KCNU1: variants seen among roughly 807,000 people sequenced by gnomAD.
The protein encoded by KCNU1 is potassium channel subfamily U member 1.
A neutral mutation model predicts 126.8 loss-of-function variants in KCNU1; 93 were observed. The ratio of observed to expected loss-of-function variants is 0.73; its 90% confidence interval spans 0.62 to 0.87. KCNU1 has a LOEUF of 0.87. KCNU1 is among the 40% of genes least tolerant of loss of function. The probability of loss-of-function intolerance (pLI) is 0.00; values close to 1 mark genes in which losing one functional copy is unlikely to be tolerated. For missense variants in KCNU1, 1,330 were observed against 1,367.1 expected, an observed-to-expected ratio of 0.97 and a Z score of 0.43; for synonymous variants, 523 against 494.2, an observed-to-expected ratio of 1.06 and a Z score of -0.77.
intron 22 of KCNU1, among the ~76,000 whole-genome samples, chr8:36,916,353 AGAAGGAAG>A (rs143444267): frequency 3.4e-5 from 5 of 149,188 alleles, no homozygotes; most frequent in Non-Finnish European, 7.5e-5. Flanking sequence ...AAGGAAGAAA[AGAAGGAAG>A]GAAGGAAGGA....
At chr8:36,860,347 G>T (rs775589664) in intron 18 of KCNU1, among the ~76,000 whole-genome samples, 1 of 152,148 alleles carries the variant, frequency 6.6e-6, no homozygotes, top group African/African-American at 2.4e-5. Context: ...AAAATGCTGG[G>T]ATTACAGGTG....
At chr8:36,795,299 C>T (rs1052152517) in intron 2 of KCNU1, 5 of 152,410 alleles carry the variant, frequency 3.3e-5, no homozygotes, top group Admixed American at 2.6e-4. Flanking sequence ...ATGTCTCATG[C>T]ACTTGGCACT....
intron 9 of KCNU1, among the ~76,000 whole-genome samples, chr8:36,816,965 C>A (rs368359910): frequency 2.5e-4 from 37 of 147,252 alleles, no homozygotes; most frequent in Admixed American, 1.2e-3. Context: ...ACAACAACAA[C>A]AAAAAACCCT....
intron 10 of KCNU1, among the ~76,000 whole-genome samples, chr8:36,821,417 G>C (rs1410319340): frequency 6.6e-6 from 1 of 152,174 alleles, no homozygotes; most frequent in African/African-American, 2.4e-5. Flanking sequence ...TGTCATCATG[G>C]TAAGCTGGCT....
intron 6 of KCNU1, 86 bp from the exon 7 acceptor site, chr8:36,808,632 T>C: frequency 2.4e-6 from 2 of 818,808 alleles, no homozygotes; most frequent in Non-Finnish European, 4.1e-6. Flanking sequence ...GAGCCACACT[T>C]TGTGTAGCAA....
chr8:36,905,570 G>C (rs1414208964), intron 19 of KCNU1, 138 bp from the exon 20 acceptor site: 1 of 627,942 alleles, frequency 1.6e-6, no homozygotes, highest in African/African-American at 1.9e-5. Context: ...CTTTATTCTA[G>C]AGTCTTACAG....
rs370444867 is a variant in KCNU1 at position 36,864,402 on chromosome 8, A to G, written c.1892-2A>G. 6.0e-5 allele frequency: 92 copies of G among 1,537,650 alleles called. No individual in the cohort carries two copies. The highest frequency in any genetic ancestry group is 7.6e-5 in the Non-Finnish European group (84 of 1,110,752). ...CTCACTGAGATTTCTATCCTATTGC[A>G]GTGCCATCGGTAAAGAGAATGAAAA... On this transcript the variant is annotated splice_acceptor_variant, in intron 18 of 26. Transcript: ENST00000399881. LOFTEE classifies it high-confidence loss of function.
chr8:36,806,318 T>A lies in KCNU1; in HGVS notation c.518T>A (p.Ile173Asn). 6.2e-7 allele frequency: 1 copy of A among 1,612,048 alleles called. No individual in the cohort carries two copies. The stretch of plus-strand genomic sequence containing the variant: ...AAGTTCTGGCTGGAGATGAATTCAA[T>A]CGTAGACATCTTTACCATCCCACCA... ...KIKFWLEMNS[I>N]VDIFTIPPTF... Residue 173 changes from isoleucine (I) to asparagine (N), a missense_variant, in exon 5 of 27, where the codon ATC (isoleucine) becomes AAC (asparagine). Transcript: ENST00000399881.
chr8:36,918,959 C>A, intron 23 of KCNU1, 62 bp downstream of exon 23: 1 of 1,066,804 alleles, frequency 9.4e-7, no homozygotes, highest in Non-Finnish European at 1.5e-6. Flanking sequence ...AATTTATGTT[C>A]CAAGGATCTT....
At chr8:36,912,849 T>A (rs932440719) in intron 22 of KCNU1, among the ~76,000 whole-genome samples, 6 of 143,654 alleles carry the variant, frequency 4.2e-5, no homozygotes, top group African/African-American at 1.6e-4. Flanking sequence ...ACGCCTGTAA[T>A]CCCAGCTACT....
At chr8:36,831,200 A>G (rs1804534056) in intron 10 of KCNU1, among the ~76,000 whole-genome samples, 1 of 151,866 alleles carries the variant, frequency 6.6e-6, no homozygotes, top group Non-Finnish European at 1.5e-5. Flanking sequence ...GCTATTGTGA[A>G]TAATGCCGCA....
rs1041128350 is a variant in KCNU1 at position 36,912,175 on chromosome 8, C to T, written c.2521+1056C>T. 1.3e-4 allele frequency among the ~76,000 whole-genome samples: 20 copies of T among 152,244 alleles called. 1 individual carries two copies. The highest frequency in any genetic ancestry group is 5.9e-4 in the Admixed American group (9 of 15,298). On this transcript the variant is annotated intron_variant, in intron 22 of 26. Transcript: ENST00000399881. ...TTTGCATGGCACTTGAAGAGGTTAG[C>T]ATTTAAGGCATTGCAAGGCTTTTCA...
At position 36,900,027 on chromosome 8, in the gene KCNU1, G is replaced by A. The variant is rs952893446; in HGVS notation, c.2010-5681G>A. On this transcript the variant is annotated intron_variant, in intron 19 of 26. Coordinates refer to ENST00000399881, the MANE Select transcript of KCNU1 (RefSeq NM_001031836.3). ...GTTTTCCCAGATGGCAACCAAGGGG[G>A]CTTGGTGCTTTGGAAGTAACCAGGC... Among the ~76,000 whole-genome samples the A allele has an allele frequency of 4.6e-5, 7 of 152,118 alleles. No individual in the cohort carries two copies. The East Asian group carries it at 7.7e-4, about 17-fold the overall frequency.
intron 10 of KCNU1, among the ~76,000 whole-genome samples, chr8:36,821,818 T>C (rs1381483384): frequency 7.1e-6 from 1 of 140,268 alleles, no homozygotes. Flanking sequence ...CAGTAAATAA[T>C]ATGAGATACT....
intron 6 of KCNU1, 64 bp downstream of exon 6, chr8:36,807,514 C>G: frequency 8.6e-7 from 1 of 1,169,146 alleles, no homozygotes; most frequent in Non-Finnish European, 1.3e-6. Context: ...AATGTATTAA[C>G]TGGACCCTAA....
chr8:36,851,373 T>TTCTCTCTCTC (rs767473600), intron 18 of KCNU1, among the ~76,000 whole-genome samples: 1,764 of 140,320 alleles, frequency 0.013, 37 homozygotes, highest in Middle Eastern at 0.028. Context: ...GGCACTTCCC[T>TTCTCTCTCTC]TCTCTCTCTC....
intron 4 of KCNU1, among the ~76,000 whole-genome samples, chr8:36,805,536 C>T (rs544610215): frequency 1.3e-5 from 2 of 152,294 alleles, no homozygotes; most frequent in Admixed American, 6.5e-5. Flanking sequence ...ATCGTGTTCC[C>T]ATGGCCTCCT....
intron 23 of KCNU1, among the ~76,000 whole-genome samples, chr8:36,920,515 G>A (rs992043430): frequency 6.6e-6 from 1 of 151,800 alleles, no homozygotes; most frequent in African/African-American, 2.4e-5. Context: ...TGTCAAGTTA[G>A]CCTAACAACC....
rs749162348 is a variant in KCNU1 at position 36,833,669 on chromosome 8, A to C, written c.1212+10A>C. 5.1e-6 allele frequency: 8 copies of C among 1,553,502 alleles called. No homozygotes were observed. The East Asian group carries it at 1.8e-4, about 35-fold the overall frequency. ...TCTGAGGCGAGTTGCGGTAAGATCT[A>C]GCTGTTTTTGTTCCTTGTAGTTTTC... is the stretch of plus-strand genomic sequence containing the variant. On this transcript the variant is annotated intron_variant, in intron 11 of 26. Transcript: ENST00000399881.
Sources: allele counts gnomAD v4.1 joint callset (sites outside exome capture counted in the v4.1 genomes callset), GRCh38; gene constraint gnomAD v4.1.1; transcripts MANE v1.5; gene names NCBI Gene and HGNC (gene_info 2026-07-23, HGNC 2026-07-21).